The following YEATS4 variants were observed in gnomAD, a reference collection of about 807,000 sequenced individuals.
YEATS4 encodes YEATS domain-containing protein 4.
YEATS4 carries 17 observed loss-of-function variants against 30.1 expected under a neutral mutation model. The ratio of observed to expected loss-of-function variants is 0.56; its 90% CI spans 0.39 to 0.85. The LOEUF (loss-of-function observed/expected upper bound fraction) is 0.85. Among genes scored for constraint, YEATS4 ranks in the 40% least tolerant of loss-of-function variants. The pLI, the probability that YEATS4 is intolerant of heterozygous loss-of-function variation, is 0.00. For missense variants in YEATS4, 142 were observed against 268.3 expected (o/e 0.53, Z 3.29); for synonymous variants, 85 against 87.5 (o/e 0.97, Z 0.16).
At chr12:69,422,136 G>A in the YEATS4 span, among the ~76,000 whole-genome samples, 1 of 152,314 alleles carries the variant, frequency 6.6e-6, no homozygotes, top group Admixed American at 6.5e-5. Context: ...AGGGGGTGGA[G>A]GATGTGAGAT....
Position 69,390,133 on chromosome 12 carries a change from T to C in YEATS4, c.515-14T>C. The C allele has an allele frequency of 6.4e-7, 1 of 1,567,570 alleles. No homozygotes were observed. The highest frequency in any genetic ancestry group is 8.6e-7 in the Non-Finnish European group (1 of 1,166,612). Reference sequence around the variant, plus strand: ...TGAGAAAAATACTTTAGTAAAAGTATTTGTTTTCTTTAGTTGCAGAGCTTG... The same window carrying C: ...TGAGAAAAATACTTTAGTAAAAGTACTTGTTTTCTTTAGTTGCAGAGCTTG... On this transcript the variant is annotated splice_polypyrimidine_tract_variant and intron_variant, in intron 6 of 6. Coordinates refer to ENST00000247843, the MANE Select transcript of YEATS4 (RefSeq NM_006530.4).
At chr12:69,420,697 C>A in the YEATS4 span, among the ~76,000 whole-genome samples, 2 of 152,096 alleles carry the variant, frequency 1.3e-5, no homozygotes, top group Admixed American at 6.5e-5. Flanking sequence ...GGAACACAGC[C>A]AGCAAAAATG....
At chr12:69,388,136 C>CT (rs1868274485) in intron 6 of YEATS4, among the ~76,000 whole-genome samples, 1 of 151,734 alleles carries the variant, frequency 6.6e-6, no homozygotes, top group South Asian at 2.1e-4. Flanking sequence ...TCTCGGCTCA[C>CT]TGCAAGCTCC....
At chr12:69,369,556 T>C (rs1875565011) in intron 4 of YEATS4, among the ~76,000 whole-genome samples, 2 of 152,228 alleles carry the variant, frequency 1.3e-5, no homozygotes, top group Admixed American at 6.5e-5. Context: ...TGGAGCACTG[T>C]AGGGCTCCTG....
intron 1 of YEATS4, chr12:69,361,234 AATACTT>A (rs1341676240): frequency 7.1e-6 from 1 of 139,928 alleles, no homozygotes; most frequent in Non-Finnish European, 1.5e-5. Context: ...TAGGTTTTAA[AATACTT>A]ATGTGTGTGT....
At chr12:69,394,614 A>AGTGT (rs1247907991), downstream of YEATS4, among the ~76,000 whole-genome samples, 4 of 140,088 alleles carry the variant, frequency 2.9e-5, no homozygotes, top group African/African-American at 1.2e-4. Flanking sequence ...AGATGGAGAT[A>AGTGT]GTGTGTTTGT....
intron 4 of YEATS4, among the ~76,000 whole-genome samples, chr12:69,368,449 A>G (rs762849170): frequency 6.6e-6 from 1 of 152,232 alleles, no homozygotes; most frequent in African/African-American, 2.4e-5. Context: ...CTATATCCGC[A>G]TGAATGCCTC....
intron 6 of YEATS4, among the ~76,000 whole-genome samples, chr12:69,388,050 T>C (rs1868272292): frequency 2.0e-5 from 1 of 50,288 alleles, no homozygotes; most frequent in Non-Finnish European, 5.2e-5. Context: ...ATTTTTTTAT[T>C]TTTTTTATTT....
intron 4 of YEATS4, among the ~76,000 whole-genome samples, 154 bp from the exon 5 acceptor site, chr12:69,370,552 T>A (rs1352747565): frequency 6.6e-6 from 1 of 152,140 alleles, no homozygotes; most frequent in Non-Finnish European, 1.5e-5. Flanking sequence ...TACAGAAAAT[T>A]TGGGTGATTT....
At chr12:69,412,223 A>G in the YEATS4 span, among the ~76,000 whole-genome samples, 2 of 152,132 alleles carry the variant, frequency 1.3e-5, no homozygotes, top group African/African-American at 4.8e-5. Flanking sequence ...TCTCTCTTCT[A>G]TTACTGTAAA....
intron 6 of YEATS4, among the ~76,000 whole-genome samples, chr12:69,387,349 T>C (rs1868263577): frequency 6.6e-6 from 1 of 152,238 alleles, no homozygotes; most frequent in Non-Finnish European, 1.5e-5. Context: ...GACACAATGC[T>C]AATGGGATTA....
chr12:69,386,591 G>T (rs1756418386), intron 6 of YEATS4, among the ~76,000 whole-genome samples: 1 of 152,054 alleles, frequency 6.6e-6, no homozygotes, highest in African/African-American at 2.4e-5. Context: ...TCCTGCCTCT[G>T]TACCCCAGCA....
At chr12:69,390,062 G>A (rs140223559) in intron 6 of YEATS4, 85 bp from the exon 7 acceptor site, 52 of 1,082,312 alleles carry the variant, frequency 4.8e-5, no homozygotes, top group African/African-American at 4.3e-4. Context: ...AAACATTGTC[G>A]TCAGGAAATG....
the YEATS4 span, among the ~76,000 whole-genome samples, chr12:69,398,482 G>A: frequency 6.6e-6 from 1 of 151,924 alleles, no homozygotes; most frequent in East Asian, 1.9e-4. Context: ...TAAAATACTT[G>A]GGAATATAAC....
chr12:69,376,570 G>A (rs550295319), intron 6 of YEATS4, among the ~76,000 whole-genome samples: 23 of 152,268 alleles, frequency 1.5e-4, no homozygotes, highest in East Asian at 1.2e-3. Flanking sequence ...GCTTGGTCAC[G>A]ATGAATGATC....
At chr12:69,386,224 C>T (rs369826936) in intron 6 of YEATS4, among the ~76,000 whole-genome samples, 6 of 152,254 alleles carry the variant, frequency 3.9e-5, no homozygotes, top group East Asian at 1.9e-4. Flanking sequence ...TAGTGCCCTT[C>T]GCAGTCTTAC....
intron 6 of YEATS4, among the ~76,000 whole-genome samples, chr12:69,383,619 G>T (rs12319349): frequency 4.9e-4 from 74 of 152,220 alleles, no homozygotes; most frequent in African/African-American, 1.6e-3. Context: ...TCAGGAACTA[G>T]AGAGTGTCTC....
rs568974106 is a variant in YEATS4 at position 69,376,064 on chromosome 12, C to T, written c.514+5089C>T. On this transcript the variant is annotated intron_variant, in intron 6 of 6. Transcript: ENST00000247843. ...TTTTTGGTGGAGTCTTTAGGTTTTT[C>T]CAAATATAATATCATCTACAGGCTG... Among the ~76,000 whole-genome samples the T allele has an allele frequency of 8.9e-4, 135 of 152,168 alleles. 1 individual carries two copies. The highest frequency in any genetic ancestry group is 3.1e-3 in the African/African-American group (130 of 41,524).
At chr12:69,385,783 A>G (rs751880401) in intron 6 of YEATS4, among the ~76,000 whole-genome samples, 15 of 152,264 alleles carry the variant, frequency 9.9e-5, no homozygotes, top group Non-Finnish European at 8.8e-5. Flanking sequence ...GTGAGAGCTT[A>G]CTATGTACCT....
Sources: gnomAD v4.1 joint callset for allele counts (sites outside exome capture counted in the v4.1 genomes callset) on GRCh38, gnomAD v4.1.1 for gene constraint, MANE v1.5 for transcripts, NCBI Gene and HGNC (gene_info 2026-07-23, HGNC 2026-07-21) for gene names.